PRKCZ: variants seen among roughly 807,000 people sequenced by gnomAD.
The protein encoded by PRKCZ is protein kinase C zeta type.
In PRKCZ, 33 loss-of-function variants were observed where a neutral mutation model predicts 79.5. That is an observed-to-expected ratio of 0.41 (90% CI 0.31 to 0.55). The LOEUF (loss-of-function observed/expected upper bound fraction) is 0.55, where lower values mean the gene tolerates loss of function less well. Among genes scored for constraint, PRKCZ ranks in the 20% least tolerant of loss-of-function variants. PRKCZ has a pLI of 0.19. For synonymous variants in PRKCZ, 342 were observed against 320.9 expected, an observed-to-expected ratio of 1.07 and a Z score of -0.70; for missense variants, 578 against 813.5, an observed-to-expected ratio of 0.71 and a Z score of 3.52.
At chr1:2,138,866 G>A (rs1316923379) in intron 5 of PRKCZ, among the ~76,000 whole-genome samples, 4 of 152,164 alleles carry the variant, frequency 2.6e-5, no homozygotes, top group African/African-American at 9.7e-5. Flanking sequence ...CCCAGGAGGC[G>A]GGGGTTGCGG....
intron 10 of PRKCZ, among the ~76,000 whole-genome samples, chr1:2,157,086 G>A (rs931499490): frequency 6.6e-6 from 1 of 152,180 alleles, no homozygotes; most frequent in Non-Finnish European, 1.5e-5. Context: ...CTTCCAGTCC[G>A]GGTCTGAAGG....
intron 4 of PRKCZ, among the ~76,000 whole-genome samples, chr1:2,113,252 G>A (rs190895025): frequency 6.6e-6 from 1 of 152,332 alleles, no homozygotes; most frequent in Non-Finnish European, 1.5e-5. Context: ...GGTTTAAAAA[G>A]GCAGCCGCCC....
At chr1:2,064,142 C>T (rs1167124347) in intron 4 of PRKCZ, among the ~76,000 whole-genome samples, 2 of 152,218 alleles carry the variant, frequency 1.3e-5, no homozygotes, top group African/African-American at 4.8e-5. Flanking sequence ...CTGCCGTGCC[C>T]GGCTTTGTTG....
rs568321690 is a variant in PRKCZ, at chr1:2,060,608, G to A, written c.334+1017G>A. 2.1e-4 allele frequency among the ~76,000 whole-genome samples: 32 copies of A among 152,344 alleles called. 3 individuals are homozygous for A. In the South Asian group the frequency reaches 5.8e-3, roughly 28 times the overall value. The stretch of plus-strand genomic sequence containing the variant: ...TCCATGATCTGCCCGGGGAGAGGGC[G>A]GCGTGGCATCCCGGTTCCAGGCCCT... On this transcript the variant is annotated intron_variant, in intron 4 of 17. Transcript: ENST00000378567.
In PRKCZ at chr1:2,172,150, C is replaced by T. The variant is rs1313760293; in HGVS notation, c.1157C>T (p.Ala386Val). 3.7e-6 allele frequency: 6 copies of T among 1,613,238 alleles called. No individual in the cohort carries two copies. The highest frequency in any genetic ancestry group is 2.2e-5 in the East Asian group (1 of 44,884). ...DLKLDNVLLD[A>V]DGHIKLTDYG... The stretch of plus-strand genomic sequence containing the variant: ...AAGCTGGACAACGTCCTCCTGGATG[C>T]GGACGGGCACATCAAGCTCACAGAC... Residue 386 changes from alanine (A) to valine (V), a missense_variant, in exon 12 of 18, where the codon GCG becomes GTG. This residue lies in a region of PRKCZ where 243 missense variants were observed against 467.0 expected (regional missense o/e 0.52). Coordinates refer to ENST00000378567, the MANE Select transcript of PRKCZ (RefSeq NM_002744.6). The surrounding 1 kb of genome is among the most constrained non-coding windows in gnomAD (Gnocchi z 7.8).
At chr1:2,068,584 T>C (rs1661315041) in intron 4 of PRKCZ, among the ~76,000 whole-genome samples, 1 of 152,194 alleles carries the variant, frequency 6.6e-6, no homozygotes, top group South Asian at 2.1e-4. Context: ...GGAACCCTTT[T>C]CCAAAGGAGG....
chr1:2,182,192 A>AGTTTGGCTTTTGTT (rs1553180042), intron 16 of PRKCZ: 4 of 223,208 alleles, frequency 1.8e-5, no homozygotes, highest in African/African-American at 9.3e-5. Context: ...TTCCGTTCCC[A>AGTTTGGCTTTTGTT]GTTTGGCTTT....
chr1:2,177,885 A>AGCCCTGCCTCTGCCACCGACCGCCG lies in PRKCZ; in HGVS notation c.1575+2598_1575+2622dup, dbSNP rs1220811059. On this transcript the variant is annotated intron_variant, in intron 16 of 17. Transcript: ENST00000378567. This position sits in a 1 kb window ranked among gnomAD's most constrained non-coding sequence, Gnocchi z 6.4. ...TGCGAAGGGCTTGCCACCGACTGCC[A>AGCCCTGCCTCTGCCACCGACCGCCG]GCCCTGCCTCTGCCACCGACCGCCG... is the stretch of plus-strand genomic sequence containing the variant. Among the ~76,000 whole-genome samples, 2 of 151,968 alleles carry AGCCCTGCCTCTGCCACCGACCGCCG rather than the reference A, an allele frequency of 1.3e-5. No homozygotes were observed. The highest frequency in any genetic ancestry group is 4.8e-5 in the African/African-American group (2 of 41,368).
chr1:2,143,629 G>C (rs451061), intron 5 of PRKCZ: 59,363 of 152,132 alleles, frequency 0.39, 11,641 homozygotes, highest in Admixed American at 0.42. Context: ...CCATCATTTT[G>C]GAATTGTTCA....
At chr1:2,055,099 C>T (rs916955192) in intron 1 of PRKCZ, among the ~76,000 whole-genome samples, 271 of 152,114 alleles carry the variant, frequency 1.8e-3, no homozygotes, top group African/African-American at 6.2e-3. Flanking sequence ...CCCGCCACCG[C>T]GCCTGGCTAA....
chr1:2,124,374 C>CAGT (rs1673426764), intron 4 of PRKCZ, among the ~76,000 whole-genome samples: 1 of 1,756 alleles, frequency 5.7e-4, no homozygotes, highest in African/African-American at 1.4e-3. Context: ...GTCACGGCGG[C>CAGT]GGTTAGGGTC....
rs373000915 is a variant in PRKCZ at position 2,103,456 on chromosome 1, G to C, written c.335-31806G>C. ...ACGTCCAGTGGCGCGTGTGCCTCGG[G>C]AAGGCCTGGGAGGGGGACACAGGTG... is the stretch of plus-strand genomic sequence containing the variant. On this transcript the variant is annotated intron_variant, in intron 4 of 17. Coordinates refer to ENST00000378567, the MANE Select transcript of PRKCZ (RefSeq NM_002744.6). Among the ~76,000 whole-genome samples the C allele has an allele frequency of 2.7e-3, 415 of 152,166 alleles. 7 individuals carry two copies. The highest frequency in any genetic ancestry group is 9.0e-3 in the African/African-American group (375 of 41,476).
chr1:2,182,832 C>T (rs74912021), intron 16 of PRKCZ: 7,022 of 154,174 alleles, frequency 0.046, 244 homozygotes, highest in Middle Eastern at 0.1. Context: ...GGCTAGAGAA[C>T]GAGCAAGGGA....
At position 2,150,816 on chromosome 1, in the gene PRKCZ, G is replaced by A. The variant is rs1679747898; in HGVS notation, c.714G>A (p.Met238Ile). The change falls in exon 9 of 18, where the codon ATG becomes ATA. Residue 238 changes from methionine to isoleucine, a missense_variant. Physicochemically the swap from Met to Ile is conservative, Grantham distance 10. Transcript: ENST00000378567. ...ACCTTAAGCCAGTTATCGATGGGAT[G>A]GATGGAATCAAAATCTCTCAGGGGC... The part of the protein sequence containing the change: ...SEDLKPVIDG[M>I]DGIKISQGLG... The A allele has an allele frequency of 6.2e-7, 1 of 1,614,020 alleles. No homozygotes were observed. Among genetic ancestry groups the A allele is most frequent in the African/African-American group, 1.3e-5 (1 of 74,934 alleles).
At chr1:2,085,967 G>C (rs1365092436) in intron 4 of PRKCZ, among the ~76,000 whole-genome samples, 1 of 152,062 alleles carries the variant, frequency 6.6e-6, no homozygotes, top group Non-Finnish European at 1.5e-5. Flanking sequence ...CCAGGAGTAA[G>C]AGCTGTGTCT....
intron 17 of PRKCZ, 61 bp from the exon 18 acceptor site, chr1:2,184,861 G>T: frequency 6.7e-7 from 1 of 1,485,430 alleles, no homozygotes; most frequent in Admixed American, 1.8e-5. Flanking sequence ...ACGTGACTCC[G>T]CTTCCCCCAA....
chr1:2,064,049 C>G (rs1660922662), intron 4 of PRKCZ, among the ~76,000 whole-genome samples: 1 of 152,080 alleles, frequency 6.6e-6, no homozygotes, highest in Non-Finnish European at 1.5e-5. Context: ...GTTTCACCAT[C>G]TTGGCCAGGT....
chr1:2,068,880 C>G (rs1661335399), intron 4 of PRKCZ, among the ~76,000 whole-genome samples: 1 of 152,228 alleles, frequency 6.6e-6, no homozygotes, highest in South Asian at 2.1e-4. Flanking sequence ...GTAGGTTCTT[C>G]TGGCTGGGAC....
chr1:2,111,703 A>T (rs561911855), intron 4 of PRKCZ: 1 of 152,278 alleles, frequency 6.6e-6, no homozygotes, highest in East Asian at 1.9e-4. Flanking sequence ...TCCAGCCCGC[A>T]CCCTCGACTC....
Sources: gnomAD v4.1 joint callset for allele counts (sites outside exome capture counted in the v4.1 genomes callset) on GRCh38, gnomAD v4.1.1 for gene constraint, gnomAD v4.1.1 regional missense constraint, Gnocchi (gnomAD v3.1) non-coding constraint, MANE v1.5 for transcripts, NCBI Gene and HGNC (gene_info 2026-07-23, HGNC 2026-07-21) for gene names.